DSP: variants seen among roughly 807,000 people sequenced by gnomAD.
DSP encodes desmoplakin, also known as 250/210 kDa paraneoplastic pemphigus antigen.
Under a neutral mutation model 290.6 loss-of-function variants are expected in DSP, and 114 were observed. The observed-to-expected ratio is 0.39, with a 90% CI of 0.34 to 0.46. The LOEUF (loss-of-function observed/expected upper bound fraction) is 0.46, where lower values mean the gene tolerates loss of function less well. Ranked by LOEUF, DSP falls within the 20% of genes least tolerant of loss-of-function variation. DSP has a pLI of 0.99. For synonymous variants in DSP, 1,311 were observed against 1,316.4 expected (o/e 1.00, Z 0.09); for missense variants, 3,230 against 3,495.8 (o/e 0.92, Z 1.92).
rs1759435760 is a variant in DSP at position 7,581,388 on chromosome 6, A to G, written c.5198A>G (p.Asp1733Gly). 1 of 1,614,138 alleles carries G rather than the reference A, an allele frequency of 6.2e-7. No individual in the cohort carries two copies. The highest frequency in any genetic ancestry group is 2.2e-5 in the East Asian group (1 of 44,888). Reference protein sequence around the residue: ...ELRNLRLEYDDLRRGRSEADS... With the variant: ...ELRNLRLEYDGLRRGRSEADS... The stretch of plus-strand genomic sequence containing the variant: ...CGGAACCTGAGGCTGGAGTACGATG[A>G]CCTGAGGAGAGGACGAAGCGAAGCG... The change falls in exon 23 of 24, where the codon GAC becomes GGC. Residue 1733 changes from aspartate (D) to glycine (G), a missense_variant. Transcript: ENST00000379802.
intron 1 of DSP, among the ~76,000 whole-genome samples, chr6:7,551,880 C>T (rs1208116985): frequency 6.6e-6 from 1 of 152,214 alleles, no homozygotes; most frequent in Non-Finnish European, 1.5e-5. Context: ...CTCCCTCTAT[C>T]TTGTTTTGAT....
Position 7,541,827 on chromosome 6 carries a change from C to CGCCT in DSP, c.-88_-85dup. The CGCCT allele has an allele frequency of 2.9e-5, 42 of 1,468,416 alleles. No homozygotes were observed. The highest frequency in any genetic ancestry group is 3.8e-5 in the Non-Finnish European group (42 of 1,100,884). The allele number at this position is 1,468,416 out of a possible 1,614,324, so 91.0% of individuals were successfully genotyped here. A position where few individuals can be genotyped will look rare whatever the true frequency, so the allele number is the denominator to read the frequency against. On this transcript the variant is annotated 5_prime_UTR_variant, in exon 1 of 24. Coordinates refer to ENST00000379802, the MANE Select transcript of DSP (RefSeq NM_004415.4). ...ACTCCCGCCCGGTTCCCCGGCCGTCCGCCTATCCTTGGCCCCCTCCGCTTT... is the reference window on the plus strand; with the variant it reads ...ACTCCCGCCCGGTTCCCCGGCCGTCCGCCTGCCTATCCTTGGCCCCCTCCGCTTT...
intron 1 of DSP, among the ~76,000 whole-genome samples, chr6:7,548,870 C>G (rs1758251091): frequency 6.6e-6 from 1 of 152,176 alleles, no homozygotes; most frequent in Non-Finnish European, 1.5e-5. Flanking sequence ...TTTTCTTCCA[C>G]TTTACTAAGC....
Position 7,557,178 on chromosome 6 carries a change from TC to T in DSP, c.274-937del, listed in dbSNP as rs578050312. Among the ~76,000 whole-genome samples the T allele has an allele frequency of 1.9e-3, 290 of 152,352 alleles. 1 individual carries two copies. Among genetic ancestry groups the T allele is most frequent in the African/African-American group, 6.4e-3 (268 of 41,582 alleles). The stretch of plus-strand genomic sequence containing the variant: ...GTTACTGAAGCAGAGGAGGAAGCTT[TC>T]TGTTTTTGTTTTTCTGAATACAAAA... On this transcript the variant is annotated intron_variant, in intron 2 of 23. Transcript: ENST00000379802.
intron 2 of DSP, among the ~76,000 whole-genome samples, 170 bp from the exon 3 acceptor site, chr6:7,557,946 G>C (rs980114490): frequency 4.6e-5 from 7 of 152,160 alleles, no homozygotes; most frequent in African/African-American, 1.7e-4. Flanking sequence ...CACAAACTTT[G>C]GTTCATGAAT....
chr6:7,583,543 C>A lies in DSP; in HGVS notation c.6281C>A (p.Thr2094Asn). 1 of 1,614,168 alleles carries A rather than the reference C, an allele frequency of 6.2e-7. No individual in the cohort carries two copies. Among genetic ancestry groups the A allele is most frequent in the Non-Finnish European group, 8.5e-7 (1 of 1,180,038 alleles). The change falls in exon 24 of 24, where the codon ACT becomes AAT. Residue 2094 changes from threonine to asparagine, a missense_variant. Thr to Asn is a moderately conservative substitution (Grantham distance 65, BLOSUM62 0). This residue lies in a region of DSP where 1,714 missense variants were observed against 1,844.5 expected (regional missense o/e 0.93). Transcript: ENST00000379802. This position sits in a 1 kb window ranked among gnomAD's most constrained non-coding sequence, Gnocchi z 4.0. ...ATATATGCAGCAGAAAAAGCTATCA[C>A]TGGTTTTGATGATCCATTTTCAGGC... The part of the protein sequence containing the change: ...QQIYAAEKAI[T>N]GFDDPFSGKT...
chr6:7,576,881 T>C, intron 19 of DSP, 78 bp from the exon 20 acceptor site: 1 of 1,240,000 alleles, frequency 8.1e-7, no homozygotes, highest in East Asian at 2.4e-5. Context: ...CAAATAACAG[T>C]GGTAAAAGAG....
Position 7,571,985 on chromosome 6 carries a change from G to C in DSP, c.2047G>C (p.Glu683Gln). ...GATTCGCAGGCAGATAGAGCACTGC[G>C]AGGGCAGGATGACTCTCAAAAACCT... ...QKIRRQIEHC[E>Q]GRMTLKNLPL... Residue 683 changes from glutamate (E) to glutamine (Q), a missense_variant, in exon 15 of 24, where the codon GAG becomes CAG. Coordinates refer to ENST00000379802, the MANE Select transcript of DSP (RefSeq NM_004415.4). 1 of 1,614,184 alleles carries C rather than the reference G, an allele frequency of 6.2e-7. No homozygotes were observed. The highest frequency in any genetic ancestry group is 2.2e-5 in the East Asian group (1 of 44,872).
chr6:7,584,723 AATTG>A lies in DSP; in HGVS notation c.7465_7468del (p.Asp2489MetfsTer17). On this transcript the variant is annotated frameshift_variant, in exon 24 of 24. Transcript: ENST00000379802. LOFTEE classifies it high-confidence loss of function. This position sits in a 1 kb window ranked among gnomAD's most constrained non-coding sequence, Gnocchi z 6.4. Reference sequence around the variant, plus strand: ...TTCAGGAGGCCTACAAGAAGGGCCTAATTGATTATGAAACCTTCAAAGAACTGTG... The same window carrying A: ...TTCAGGAGGCCTACAAGAAGGGCCTAATTATGAAACCTTCAAAGAACTGTG... 6.2e-7 allele frequency: 1 copy of A among 1,614,224 alleles called. No homozygotes were observed.
chr6:7,567,070 T>C (rs528580457), intron 8 of DSP, among the ~76,000 whole-genome samples: 1 of 152,322 alleles, frequency 6.6e-6, no homozygotes, highest in East Asian at 1.9e-4. Flanking sequence ...CTAGCCCCAG[T>C]GACAGTTCTG....
At chr6:7,555,078 TG>T (rs1758467850) in intron 1 of DSP, among the ~76,000 whole-genome samples, 1 of 152,168 alleles carries the variant, frequency 6.6e-6, no homozygotes, top group Admixed American at 6.5e-5. Flanking sequence ...CTTGTGGTGT[TG>T]GGGACTGTCA....
chr6:7,585,088 T>C lies in DSP; in HGVS notation c.7826T>C (p.Phe2609Ser), dbSNP rs397516959. 4.3e-6 allele frequency: 7 copies of C among 1,614,176 alleles called. No homozygotes were observed. The highest frequency in any genetic ancestry group is 5.9e-6 in the Non-Finnish European group (7 of 1,180,028). The change falls in exon 24 of 24, where the codon TTT becomes TCT. Residue 2609 changes from phenylalanine to serine, a missense_variant. This residue lies in a region of DSP where 582 missense variants were observed against 555.4 expected (regional missense o/e 1.05). Transcript: ENST00000379802. ...AATTTAACCATAAGGAGCAGCTCTT[T>C]TTCAGACACCCTGGAAGAATCGAGC... ...VRNLTIRSSS[F>S]SDTLEESSPI...
chr6:7,571,205 A>G (rs58599437), intron 13 of DSP, among the ~76,000 whole-genome samples, 178 bp from the exon 14 acceptor site: 1,804 of 151,538 alleles, frequency 0.012, 24 homozygotes, highest in African/African-American at 0.04. Context: ...TTAGCAACCC[A>G]TTCCTGTGGC....
At chr6:7,545,416 T>TG (rs1457834490) in intron 1 of DSP, among the ~76,000 whole-genome samples, 9 of 152,206 alleles carry the variant, frequency 5.9e-5, no homozygotes, top group African/African-American at 2.2e-4. Context: ...CACTTAGGGC[T>TG]GGGTTGGCCT....
intron 15 of DSP, among the ~76,000 whole-genome samples, chr6:7,573,124 G>C (rs1397007747): frequency 1.3e-5 from 2 of 151,912 alleles, no homozygotes; most frequent in Non-Finnish European, 2.9e-5. Context: ...AAAAATGTGT[G>C]TGTGTGTGTG....
Position 7,584,941 on chromosome 6 carries a change from T to C in DSP, c.7679T>C (p.Met2560Thr), listed in dbSNP as rs747898650. The change falls in exon 24 of 24, where the codon ATG becomes ACG. Residue 2560 changes from methionine to threonine, a missense_variant. By Grantham distance (81) the Met-to-Thr change is moderately conservative (BLOSUM62 -1). This residue lies in a region of DSP where 582 missense variants were observed against 555.4 expected (regional missense o/e 1.05). Coordinates refer to ENST00000379802, the MANE Select transcript of DSP (RefSeq NM_004415.4). This position sits in a 1 kb window ranked among gnomAD's most constrained non-coding sequence, Gnocchi z 6.4. ...GSLSLTQFAD[M>T]ISLKNGVGTS... ...CTCAGCCTCACTCAATTTGCTGACA[T>C]GATCTCCTTGAAAAATGGTGTCGGC... 6 of 1,614,208 alleles carry C rather than the reference T, an allele frequency of 3.7e-6. No individual in the cohort carries two copies. The highest frequency in any genetic ancestry group is 1.1e-5 in the South Asian group (1 of 91,084).
intron 5 of DSP, 100 bp downstream of exon 5, chr6:7,562,880 T>G: frequency 6.5e-7 from 1 of 1,549,124 alleles, no homozygotes; most frequent in South Asian, 1.1e-5. Context: ...TTGCTATTAT[T>G]TCTTTCCCAG....
chr6:7,544,444 C>T (rs941390987), intron 1 of DSP, among the ~76,000 whole-genome samples: 1 of 151,622 alleles, frequency 6.6e-6, no homozygotes, highest in Non-Finnish European at 1.5e-5. Context: ...TTTTCTGACC[C>T]GAAGGTTTTC....
In DSP at chr6:7,585,947, A is replaced by G; in HGVS notation, c.*69A>G. On this transcript the variant is annotated 3_prime_UTR_variant, in exon 24 of 24. Transcript: ENST00000379802. ...GAATTTCCACTTTATTAAATAATAG[A>G]AAAGAAAATCCCGGTGCTTGCAGTA... 1 of 1,497,290 alleles carries G rather than the reference A, an allele frequency of 6.7e-7. No homozygotes were observed. The highest frequency in any genetic ancestry group is 9.2e-7 in the Non-Finnish European group (1 of 1,084,912). The allele number at this position is 1,497,290 out of a possible 1,614,324, so 92.8% of individuals were successfully genotyped here.
Sources: gnomAD v4.1 joint callset for allele counts (sites outside exome capture counted in the v4.1 genomes callset) on GRCh38, gnomAD v4.1.1 for gene constraint, gnomAD v4.1.1 regional missense constraint, Gnocchi (gnomAD v3.1) non-coding constraint, MANE v1.5 for transcripts, NCBI Gene and HGNC (gene_info 2026-07-23, HGNC 2026-07-21) for gene names.